RAP1B: variants seen among roughly 807,000 people sequenced by gnomAD.
The protein encoded by RAP1B is RAP1B, member of RAS oncogene family.
RAP1B carries 1 observed loss-of-function variant against 27.5 expected under a neutral mutation model. The ratio of observed to expected loss-of-function variants is 0.04; its 90% CI spans 0.01 to 0.17. The LOEUF is 0.17. Among genes scored for constraint, RAP1B ranks in the 10% least tolerant of loss-of-function variants. The probability of loss-of-function intolerance (pLI) is 1.00; values close to 1 mark genes in which losing one functional copy is unlikely to be tolerated. For synonymous variants in RAP1B, 75 were observed against 73.1 expected, an observed-to-expected ratio of 1.03 and a Z score of -0.13; for missense variants, 84 against 214.8, an observed-to-expected ratio of 0.39 and a Z score of 3.81.
At chr12:68,648,880 C>CT in intron 2 of RAP1B, 99 bp downstream of exon 2, 1 of 1,084,686 alleles carries the variant, frequency 9.2e-7, no homozygotes, top group East Asian at 2.6e-5. Context: ...GATAAAATTC[C>CT]TTAATGACTT....
intron 1 of RAP1B, among the ~76,000 whole-genome samples, chr12:68,636,304 A>G (rs1216444342): frequency 6.6e-6 from 1 of 152,252 alleles, no homozygotes; most frequent in Non-Finnish European, 1.5e-5. Context: ...TAAGAAAGAA[A>G]TCAGGTTACA....
intron 5 of RAP1B, among the ~76,000 whole-genome samples, chr12:68,655,926 T>TC (rs1284602480): frequency 1.3e-5 from 2 of 152,166 alleles, no homozygotes; most frequent in South Asian, 2.1e-4. Context: ...TAAGGTTTTT[T>TC]CCCCCCATCT....
At position 68,671,747 on chromosome 12, in the gene RAP1B, C is replaced by T. The variant is rs190983916; in HGVS notation, c.*12498C>T. 1.3e-5 allele frequency: 2 copies of T among 151,810 alleles called. No individual in the cohort carries two copies. The highest frequency in any genetic ancestry group is 1.9e-4 in the East Asian group (1 of 5,180). 9.4% of individuals were successfully genotyped at this position (151,810 alleles called of 1,614,324 possible). A position where few individuals can be genotyped will look rare whatever the true frequency, so the allele number is the denominator to read the frequency against. On this transcript the variant is annotated 3_prime_UTR_variant, in exon 8 of 8. Transcript: ENST00000250559. ...CAGCGGGAGAAAAAACAGGATGACTCGTCTAGAAGAGACATTGTCAGTAAC... is the reference window on the plus strand; with the variant it reads ...CAGCGGGAGAAAAAACAGGATGACTTGTCTAGAAGAGACATTGTCAGTAAC...
intron 1 of RAP1B, among the ~76,000 whole-genome samples, chr12:68,634,493 A>G (rs976068706): frequency 1.4e-4 from 22 of 152,142 alleles, no homozygotes; most frequent in African/African-American, 5.3e-4. Context: ...TCACATCTAG[A>G]GAATTGGGAG....
At chr12:68,636,471 A>G (rs1157670122) in intron 1 of RAP1B, among the ~76,000 whole-genome samples, 2 of 152,208 alleles carry the variant, frequency 1.3e-5, no homozygotes, top group Non-Finnish European at 2.9e-5. Flanking sequence ...TGCGTCACCC[A>G]TGATAGAGTG....
At chr12:68,636,225 T>G (rs1169177156) in intron 1 of RAP1B, among the ~76,000 whole-genome samples, 1 of 152,206 alleles carries the variant, frequency 6.6e-6, no homozygotes, top group Non-Finnish European at 1.5e-5. Flanking sequence ...ATTATGCTTT[T>G]TAAATGTTGC....
chr12:68,655,366 CAA>C (rs750009138), intron 5 of RAP1B, among the ~76,000 whole-genome samples: 3 of 151,918 alleles, frequency 2.0e-5, no homozygotes, highest in Non-Finnish European at 4.4e-5. Flanking sequence ...TTAATTTTAG[CAA>C]ATATTGTGAG....
intron 2 of RAP1B, 42 bp downstream of exon 2, chr12:68,648,823 G>A (rs56386317): frequency 9.0e-5 from 139 of 1,536,330 alleles, no homozygotes; most frequent in Non-Finnish European, 1.1e-4. Context: ...ACTCCAAGAC[G>A]TTCTTTTTCT....
intron 7 of RAP1B, chr12:68,657,795 A>C (rs1874329313): frequency 7.0e-6 from 1 of 143,742 alleles, no homozygotes; most frequent in African/African-American, 2.9e-5. Context: ...CGCGTGAGCC[A>C]CCGCTCCCAG....
intron 1 of RAP1B, among the ~76,000 whole-genome samples, chr12:68,613,823 A>G (rs1870790248): frequency 6.6e-6 from 1 of 152,250 alleles, no homozygotes; most frequent in East Asian, 1.9e-4. Context: ...GTAATCCTTT[A>G]AAAAGAAACA....
chr12:68,657,269 G>A (rs1309293617), intron 7 of RAP1B, 52 bp downstream of exon 7: 8 of 1,160,864 alleles, frequency 6.9e-6, no homozygotes, highest in African/African-American at 3.1e-5. Flanking sequence ...CTTATTAAGG[G>A]CACTCTGTCA....
intron 1 of RAP1B, among the ~76,000 whole-genome samples, chr12:68,614,880 C>G (rs1441240282): frequency 6.6e-6 from 1 of 152,164 alleles, no homozygotes; most frequent in African/African-American, 2.4e-5. Context: ...CTTTGTAAAT[C>G]TCATAAGCAC....
Position 68,661,401 on chromosome 12 carries a change from A to G in RAP1B, c.*2152A>G, listed in dbSNP as rs923057431. The G allele has an allele frequency of 6.6e-6, 1 of 152,136 alleles. No individual in the cohort carries two copies. Among genetic ancestry groups the G allele is most frequent in the Non-Finnish European group, 1.5e-5 (1 of 68,026 alleles). The allele number at this position is 152,136 out of a possible 1,614,324, so 9.4% of individuals were successfully genotyped here. A position where few individuals can be genotyped will look rare whatever the true frequency, so the allele number is the denominator to read the frequency against. On this transcript the variant is annotated 3_prime_UTR_variant, in exon 8 of 8. Transcript: ENST00000250559. ...TGTACCAGGCCCAGTTCTAGGCTCA[A>G]ACAGCTAAATATTCATTCATTGGAC...
At chr12:68,655,808 T>C (rs1183817698) in intron 5 of RAP1B, among the ~76,000 whole-genome samples, 2 of 152,238 alleles carry the variant, frequency 1.3e-5, no homozygotes, top group African/African-American at 4.8e-5. Flanking sequence ...AGTGCTGGGA[T>C]TACAGGCGTG....
At chr12:68,628,575 A>G (rs2135930587) in intron 1 of RAP1B, among the ~76,000 whole-genome samples, 1 of 152,320 alleles carries the variant, frequency 6.6e-6, no homozygotes, top group South Asian at 2.1e-4. Flanking sequence ...ATGTGAAGAA[A>G]ATGAGTGGTA....
In RAP1B at chr12:68,660,409, C is replaced by CT. The variant is rs1874534228; in HGVS notation, c.*1163dup. The CT allele has an allele frequency of 6.6e-6, 1 of 152,210 alleles. No homozygotes were observed. Among genetic ancestry groups the CT allele is most frequent in the Admixed American group, 6.6e-5 (1 of 15,204 alleles). 9.4% of individuals were successfully genotyped at this position (152,210 alleles called of 1,614,324 possible). ...ATTGACCAACCTAATGTTACAACTA[C>CT]TTTGAGGTGGCCAAATGTAAACTAA... is the stretch of plus-strand genomic sequence containing the variant. On this transcript the variant is annotated 3_prime_UTR_variant, in exon 8 of 8. Transcript: ENST00000250559.
At chr12:68,627,514 C>T in intron 1 of RAP1B, 1 of 248,646 alleles carries the variant, frequency 4.0e-6, no homozygotes. Context: ...GGCTTCTGGG[C>T]CTTCACATTT....
At chr12:68,653,194 G>C (rs563339283) in intron 4 of RAP1B, among the ~76,000 whole-genome samples, 1 of 152,248 alleles carries the variant, frequency 6.6e-6, no homozygotes, top group African/African-American at 2.4e-5. Context: ...GGGTGACAGA[G>C]TGAGACTCCA....
At chr12:68,614,674 T>G (rs1203205815) in intron 1 of RAP1B, among the ~76,000 whole-genome samples, 1 of 152,218 alleles carries the variant, frequency 6.6e-6, no homozygotes, top group Non-Finnish European at 1.5e-5. Flanking sequence ...CTTTTCAAAT[T>G]GAATTGAATT....
Sources: allele counts gnomAD v4.1 joint callset (sites outside exome capture counted in the v4.1 genomes callset), GRCh38; gene constraint gnomAD v4.1.1; transcripts MANE v1.5; gene names NCBI Gene and HGNC (gene_info 2026-07-23, HGNC 2026-07-21).